Variants in GBE1 observed in about 807,000 individuals in gnomAD.
The protein encoded by GBE1 is 1,4-alpha-glucan-branching enzyme.
GBE1 carries 70 observed loss-of-function variants against 88.8 expected under a neutral mutation model. That is an observed-to-expected ratio of 0.79 (90% CI 0.65 to 0.96). The LOEUF (loss-of-function observed/expected upper bound fraction) is 0.96, where lower values mean the gene tolerates loss of function less well. GBE1 is among the 40% of genes least tolerant of loss of function. The pLI, the probability that GBE1 is intolerant of heterozygous loss-of-function variation, is 0.00. For synonymous variants in GBE1, 284 were observed against 300.1 expected (o/e 0.95, Z 0.56); for missense variants, 872 against 871.0 (o/e 1.00, Z -0.01).
chr3:81,746,500 G>A (rs1304263095), intron 1 of GBE1, among the ~76,000 whole-genome samples: 1 of 151,956 alleles, frequency 6.6e-6, no homozygotes, highest in African/African-American at 2.4e-5. Flanking sequence ...GGCTCATTCA[G>A]TCCAACCACC....
At chr3:81,594,057 A>C in intron 7 of GBE1, 34 bp from the exon 8 acceptor site, 1 of 988,928 alleles carries the variant, frequency 1.0e-6, no homozygotes, top group Non-Finnish European at 1.6e-6. Flanking sequence ...TTTAAGCAAA[A>C]TGTGAAGAGC....
chr3:81,751,641 T>C (rs969507993), intron 1 of GBE1, among the ~76,000 whole-genome samples: 14 of 152,332 alleles, frequency 9.2e-5, no homozygotes, highest in African/African-American at 2.6e-4. Flanking sequence ...AAGGATAATA[T>C]AGCAGAAGAT....
At chr3:81,615,077 G>A (rs906331248) in intron 7 of GBE1, among the ~76,000 whole-genome samples, 1 of 152,062 alleles carries the variant, frequency 6.6e-6, no homozygotes, top group African/African-American at 2.4e-5. Flanking sequence ...ATTTGAAAAT[G>A]TATTAGCTAT....
chr3:81,581,094 T>A (rs935513049), intron 11 of GBE1, 71 bp downstream of exon 11: 6 of 839,056 alleles, frequency 7.2e-6, no homozygotes, highest in Middle Eastern at 2.2e-4. Context: ...TATTTAAATA[T>A]GTTATTAAGG....
intron 12 of GBE1, among the ~76,000 whole-genome samples, chr3:81,569,494 A>G (rs146718394): frequency 1.3e-5 from 2 of 152,328 alleles, no homozygotes; most frequent in East Asian, 3.9e-4. Flanking sequence ...TGCCCTTGCC[A>G]TTTAAGAGCT....
chr3:81,731,455 C>T (rs1434159908), intron 1 of GBE1, among the ~76,000 whole-genome samples: 1 of 152,158 alleles, frequency 6.6e-6, no homozygotes, highest in East Asian at 1.9e-4. Flanking sequence ...ATTACCATAT[C>T]TTTACAAATA....
At chr3:81,635,995 C>T (rs1043296412) in intron 7 of GBE1, among the ~76,000 whole-genome samples, 10 of 152,080 alleles carry the variant, frequency 6.6e-5, no homozygotes, top group Admixed American at 1.3e-4. Context: ...GGGGAATAAA[C>T]GAGGCAGATA....
chr3:81,495,190 A>C (rs1330452897), intron 15 of GBE1, among the ~76,000 whole-genome samples: 1 of 152,162 alleles, frequency 6.6e-6, no homozygotes, highest in Non-Finnish European at 1.5e-5. Flanking sequence ...GGAGTTTGAG[A>C]CCAGCCTGGC....
At chr3:81,587,110 G>C in intron 9 of GBE1, among the ~76,000 whole-genome samples, 1 of 152,040 alleles carries the variant, frequency 6.6e-6, no homozygotes, top group Non-Finnish European at 1.5e-5. Context: ...TCGAGAGAGA[G>C]GATTCTTAAT....
In GBE1 at chr3:81,540,576, T is replaced by C. The variant is rs139923349; in HGVS notation, c.1619-3481A>G. On this transcript the variant is annotated intron_variant, in intron 12 of 15. Coordinates refer to ENST00000429644, the MANE Select transcript of GBE1 (RefSeq NM_000158.4). Reference sequence around the variant, plus strand: ...TGAATCCAAAGGGTTGCTAGCTATTTGGCTCTTGTTCATACAGGTTTTCAT... The same window carrying C: ...TGAATCCAAAGGGTTGCTAGCTATTCGGCTCTTGTTCATACAGGTTTTCAT... Among the ~76,000 whole-genome samples the C allele has an allele frequency of 7.9e-4, 120 of 152,218 alleles. 2 individuals are homozygous for C. The highest frequency in any genetic ancestry group is 6.9e-3 in the Admixed American group (105 of 15,264).
chr3:81,761,440 G>T lies in GBE1; in HGVS notation c.78C>A (p.Pro26=). The T allele has an allele frequency of 1.9e-6, 3 of 1,613,672 alleles. No individual in the cohort carries two copies. The highest frequency in any genetic ancestry group is 1.1e-5 in the South Asian group (1 of 91,086). Residue 26 remains proline, a synonymous_variant, in exon 1 of 16, where the codon CCC becomes CCA. Transcript: ENST00000429644. The part of the protein sequence containing the change: ...AALNAALADV[P]ELARLLEIDP... Reference sequence around the variant, plus strand: ...CGATCTCCAGGAGTCTGGCCAGTTCGGGCACGTCAGCCAGGGCGGCATTGA... The same window carrying T: ...CGATCTCCAGGAGTCTGGCCAGTTCTGGCACGTCAGCCAGGGCGGCATTGA...
chr3:81,670,742 G>C (rs1705177840), intron 3 of GBE1, 96 bp downstream of exon 3: 1 of 648,678 alleles, frequency 1.5e-6, no homozygotes. Flanking sequence ...CAATTATCAT[G>C]CATCAGTTGT....
intron 15 of GBE1, among the ~76,000 whole-genome samples, chr3:81,496,263 G>A (rs1453443658): frequency 2.6e-5 from 4 of 152,128 alleles, no homozygotes; most frequent in African/African-American, 4.8e-5. Flanking sequence ...TTTCAATGGC[G>A]GTATACATGC....
chr3:81,613,740 C>T (rs993951421), intron 7 of GBE1, among the ~76,000 whole-genome samples: 1 of 152,014 alleles, frequency 6.6e-6, no homozygotes, highest in African/African-American at 2.4e-5. Context: ...TGGCTTGGGC[C>T]CTGCCACTCA....
intron 12 of GBE1, among the ~76,000 whole-genome samples, chr3:81,541,291 C>A (rs149981591): frequency 1.3e-5 from 2 of 152,026 alleles, no homozygotes; most frequent in East Asian, 3.9e-4. Flanking sequence ...CATACACACA[C>A]ACACAAACAC....
chr3:81,610,274 A>G (rs760665089), intron 7 of GBE1, among the ~76,000 whole-genome samples: 1 of 152,216 alleles, frequency 6.6e-6, no homozygotes, highest in Admixed American at 6.5e-5. Flanking sequence ...CATGTTAATC[A>G]GTGAAGTATT....
At position 81,514,901 on chromosome 3, in the gene GBE1, AAT is replaced by A. The variant is rs533405510; in HGVS notation, c.1935-15676_1935-15675del. On this transcript the variant is annotated intron_variant, in intron 14 of 15. Transcript: ENST00000429644. ...ATTTCTACTGGCCAGAAGGAAAAGT[AAT>A]ATAACATCCATGTCATAAATTTAGT... 4.8e-3 allele frequency among the ~76,000 whole-genome samples: 730 copies of A among 151,770 alleles called. 7 individuals carry two copies. Among genetic ancestry groups the A allele is most frequent in the African/African-American group, 0.017 (695 of 41,510 alleles).
At chr3:81,586,032 A>T (rs746095094) in intron 10 of GBE1, 60 bp downstream of exon 10, 34 of 919,106 alleles carry the variant, frequency 3.7e-5, no homozygotes, top group Non-Finnish European at 5.4e-5. Flanking sequence ...GAAATAAATT[A>T]AAGATAAATG....
chr3:81,638,122 A>G (rs1237546886), intron 7 of GBE1, among the ~76,000 whole-genome samples: 4 of 152,102 alleles, frequency 2.6e-5, no homozygotes, highest in Non-Finnish European at 4.4e-5. Flanking sequence ...GTCTATCCTA[A>G]GAGTACTTTA....
Sources: gnomAD v4.1 joint callset for allele counts (sites outside exome capture counted in the v4.1 genomes callset) on GRCh38, gnomAD v4.1.1 for gene constraint, MANE v1.5 for transcripts, NCBI Gene and HGNC (gene_info 2026-07-23, HGNC 2026-07-21) for gene names.